The following KLF12 variants were observed in gnomAD, a reference collection of about 807,000 sequenced individuals.
KLF12 encodes the protein KLF transcription factor 12.
Under a neutral mutation model 37.8 loss-of-function variants are expected in KLF12, and 9 were observed. The observed-to-expected ratio is 0.24, with a 90% CI of 0.14 to 0.42. KLF12 has a LOEUF of 0.42. KLF12 is among the 10% of genes least tolerant of loss of function. KLF12 has a pLI of 1.00. For synonymous variants in KLF12, 208 were observed against 202.1 expected (o/e 1.03, Z -0.25); for missense variants, 411 against 516.0 (o/e 0.80, Z 1.97).
the KLF12 span, among the ~76,000 whole-genome samples, chr13:74,224,674 A>G: frequency 6.6e-6 from 1 of 152,162 alleles, no homozygotes; most frequent in Non-Finnish European, 1.5e-5. Flanking sequence ...AACAGTGGAA[A>G]TGCTTTGTTG....
At chr13:73,837,575 G>A (rs545013059) in intron 4 of KLF12, among the ~76,000 whole-genome samples, 5 of 152,120 alleles carry the variant, frequency 3.3e-5, no homozygotes, top group Non-Finnish European at 7.4e-5. Flanking sequence ...ATAAACATGG[G>A]CTGCCTGCCT....
intron 4 of KLF12, among the ~76,000 whole-genome samples, chr13:73,827,297 G>A (rs1013161570): frequency 1.5e-4 from 23 of 152,098 alleles, no homozygotes; most frequent in African/African-American, 5.3e-4. Flanking sequence ...ATTACGGGGT[G>A]CCCATATCAA....
chr13:73,896,008 G>C (rs1887753197), intron 3 of KLF12, among the ~76,000 whole-genome samples: 1 of 152,016 alleles, frequency 6.6e-6, no homozygotes, highest in African/African-American at 2.4e-5. Flanking sequence ...TTTTAGTAGA[G>C]AGAGGGTTTC....
intron 3 of KLF12, among the ~76,000 whole-genome samples, chr13:73,923,943 C>A (rs1473830805): frequency 6.6e-6 from 1 of 152,202 alleles, no homozygotes; most frequent in East Asian, 1.9e-4. Context: ...TGGCTATCCA[C>A]TGGAAATAAT....
chr13:73,859,145 C>T (rs1160387562), intron 3 of KLF12, among the ~76,000 whole-genome samples: 1 of 152,158 alleles, frequency 6.6e-6, no homozygotes, highest in Non-Finnish European at 1.5e-5. Context: ...GCAACTCCCT[C>T]ATCTACAGAA....
intron 4 of KLF12, among the ~76,000 whole-genome samples, chr13:73,833,101 G>A (rs913146251): frequency 6.6e-6 from 1 of 152,196 alleles, no homozygotes; most frequent in Non-Finnish European, 1.5e-5. Context: ...TTCGCCCTGA[G>A]TGGGAAATGA....
At chr13:73,759,484 A>G (rs771140910) in intron 6 of KLF12, among the ~76,000 whole-genome samples, 1 of 152,190 alleles carries the variant, frequency 6.6e-6, no homozygotes, top group Non-Finnish European at 1.5e-5. Context: ...CAACGTCTTC[A>G]TTAAGCTTCT....
Position 73,859,715 on chromosome 13 carries a change from T to C in KLF12, c.124-13342A>G, listed in dbSNP as rs566022912. Among the ~76,000 whole-genome samples, 3 of 152,288 alleles carry C rather than the reference T, an allele frequency of 2.0e-5. No individual in the cohort carries two copies. The South Asian group carries it at 6.2e-4, about 32-fold the overall frequency. On this transcript the variant is annotated intron_variant, in intron 3 of 7. Coordinates refer to ENST00000377669, the MANE Select transcript of KLF12 (RefSeq NM_007249.5). ...AGAAAAATAAGGACAACAAAAATCCTTCCTCATTTAGGAATAGAATCCTGC... is the reference window on the plus strand; with the variant it reads ...AGAAAAATAAGGACAACAAAAATCCCTCCTCATTTAGGAATAGAATCCTGC...
At chr13:74,057,763 T>C (rs1239599824) in intron 1 of KLF12, among the ~76,000 whole-genome samples, 1 of 152,042 alleles carries the variant, frequency 6.6e-6, no homozygotes, top group African/African-American at 2.4e-5. Context: ...ATCCTGAAAG[T>C]TATTTTTGTT....
chr13:74,120,577 TA>T (rs1027900433), intron 1 of KLF12, among the ~76,000 whole-genome samples: 11 of 151,704 alleles, frequency 7.3e-5, no homozygotes, highest in South Asian at 4.2e-4. Context: ...CATAAAGAAA[TA>T]AAAAAAACCC....
chr13:74,177,375 TAA>T, the KLF12 span, among the ~76,000 whole-genome samples: 10 of 152,194 alleles, frequency 6.6e-5, no homozygotes, highest in African/African-American at 2.4e-4. Context: ...CCACATTTTA[TAA>T]GTGCCTATTT....
At chr13:73,938,416 T>C (rs968020952) in intron 3 of KLF12, among the ~76,000 whole-genome samples, 1 of 152,192 alleles carries the variant, frequency 6.6e-6, no homozygotes, top group African/African-American at 2.4e-5. Context: ...CCGTCTATAT[T>C]TCTTTATTAA....
chr13:73,980,337 C>A (rs931508613), intron 2 of KLF12, among the ~76,000 whole-genome samples: 2 of 152,090 alleles, frequency 1.3e-5, no homozygotes, highest in African/African-American at 4.8e-5. Flanking sequence ...GCACATTCTT[C>A]CAAAAGATAG....
At chr13:73,824,395 T>A (rs970437638) in intron 4 of KLF12, among the ~76,000 whole-genome samples, 1 of 149,296 alleles carries the variant, frequency 6.7e-6, no homozygotes, top group South Asian at 2.2e-4. Flanking sequence ...TTAGATGTTG[T>A]ATCTGTGAAT....
intron 2 of KLF12, among the ~76,000 whole-genome samples, chr13:73,947,561 G>C (rs1033766765): frequency 2.8e-5 from 4 of 143,500 alleles, no homozygotes; most frequent in East Asian, 2.1e-4. Flanking sequence ...TGAGGCAGAA[G>C]AATCGCTTGA....
chr13:73,813,950 T>C (rs1324061), intron 4 of KLF12, among the ~76,000 whole-genome samples: 68,709 of 152,116 alleles, frequency 0.45, 15,791 homozygotes, highest in East Asian at 0.65. Context: ...TCTTCTCCAA[T>C]CGTGAATTTG....
chr13:74,268,378 G>A, the KLF12 span, among the ~76,000 whole-genome samples: 42 of 152,222 alleles, frequency 2.8e-4, no homozygotes, highest in African/African-American at 7.9e-4. Context: ...ATTTCTAGAA[G>A]CACCGTTAAT....
chr13:74,211,766 T>C, the KLF12 span, among the ~76,000 whole-genome samples: 1 of 152,182 alleles, frequency 6.6e-6, no homozygotes, highest in Non-Finnish European at 1.5e-5. Context: ...ATGAATAATT[T>C]TGATGTTCAG....
At chr13:74,051,701 A>C (rs1872938080) in intron 1 of KLF12, among the ~76,000 whole-genome samples, 4 of 152,192 alleles carry the variant, frequency 2.6e-5, no homozygotes, top group Non-Finnish European at 4.4e-5. Context: ...AATTGGGATC[A>C]AGTTAGAAAG....
Sources: gnomAD v4.1 joint callset for allele counts (sites outside exome capture counted in the v4.1 genomes callset) on GRCh38, gnomAD v4.1.1 for gene constraint, MANE v1.5 for transcripts, NCBI Gene and HGNC (gene_info 2026-07-23, HGNC 2026-07-21) for gene names.